PCNX1: variants seen among roughly 807,000 people sequenced by gnomAD.
The protein encoded by PCNX1 is pecanex 1, also known as pecanex-like protein 1.
PCNX1 carries 78 observed loss-of-function variants against 242.2 expected under a neutral mutation model. The observed-to-expected ratio is 0.32, with a 90% confidence interval of 0.27 to 0.39. The LOEUF (loss-of-function observed/expected upper bound fraction) is 0.39, where lower values mean the gene tolerates loss of function less well. Among genes scored for constraint, PCNX1 ranks in the 10% least tolerant of loss-of-function variants. The pLI is 1.00. For missense variants in PCNX1, 2,581 were observed against 2,856.5 expected (o/e 0.90, Z 2.20); for synonymous variants, 1,024 against 1,032.9 (o/e 0.99, Z 0.17).
At chr14:70,941,761 A>C (rs1211266358) in intron 1 of PCNX1, among the ~76,000 whole-genome samples, 5 of 152,172 alleles carry the variant, frequency 3.3e-5, no homozygotes, top group Non-Finnish European at 5.9e-5. Context: ...GGCCTCCTTG[A>C]GCTGCGGTGA....
At chr14:71,044,318 A>G (rs2060797112) in intron 19 of PCNX1, 1 of 152,698 alleles carries the variant, frequency 6.5e-6, no homozygotes, top group South Asian at 2.1e-4. Flanking sequence ...CAGTCGGCAT[A>G]CTTGGCTATT....
intron 18 of PCNX1, 38 bp from the exon 19 acceptor site, chr14:71,036,027 T>C: frequency 7.4e-7 from 1 of 1,355,568 alleles, no homozygotes; most frequent in Non-Finnish European, 1.0e-6. Context: ...TTTAAAAATT[T>C]TATGTAATTG....
rs919901718 is a variant in PCNX1 at position 70,994,417 on chromosome 14, ATATATATATATATG to A, written c.2445-1320_2445-1307del. 1.7e-3 allele frequency among the ~76,000 whole-genome samples: 220 copies of A among 125,976 alleles called. 3 individuals are homozygous for A. Among genetic ancestry groups the A allele is most frequent in the African/African-American group, 5.5e-3 (182 of 33,202 alleles). 82.6% of individuals were successfully genotyped at this position (125,976 alleles called of 152,430 possible). A position where few individuals can be genotyped will look rare whatever the true frequency, so the allele number is the denominator to read the frequency against. On this transcript the variant is annotated intron_variant, in intron 7 of 35. Transcript: ENST00000304743. ...TTAAGATATATATATATATATATAT[ATATATATATATATG>A]TATGTATGTATGTTTCAACATAGCC...
intron 12 of PCNX1, among the ~76,000 whole-genome samples, chr14:71,022,627 A>G (rs1203584254): frequency 1.3e-5 from 2 of 152,188 alleles, no homozygotes; most frequent in Non-Finnish European, 2.9e-5. Context: ...GTAGCTGCAT[A>G]ATACCTTCTG....
rs768351998 is a variant in PCNX1 at position 71,047,448 on chromosome 14, A to G, written c.4160+343A>G. Reference sequence around the variant, plus strand: ...TAGTCATCCGATGAGCCTGCCCAATAGAGTAGGTACCTATTGTTGAGTCAA... The same window carrying G: ...TAGTCATCCGATGAGCCTGCCCAATGGAGTAGGTACCTATTGTTGAGTCAA... On this transcript the variant is annotated intron_variant, in intron 21 of 35. Coordinates refer to ENST00000304743, the MANE Select transcript of PCNX1 (RefSeq NM_014982.3). Among the ~76,000 whole-genome samples the G allele has an allele frequency of 3.8e-4, 58 of 152,134 alleles. 1 individual carries two copies. The highest frequency in any genetic ancestry group is 1.2e-4 in the Non-Finnish European group (8 of 67,978).
At chr14:71,053,620 A>G (rs797004757) in intron 24 of PCNX1, among the ~76,000 whole-genome samples, 5 of 152,170 alleles carry the variant, frequency 3.3e-5, no homozygotes, top group African/African-American at 1.2e-4. Flanking sequence ...GCCCGGCCTT[A>G]TGGTCTTAAA....
chr14:71,024,514 T>C (rs1177633801), intron 13 of PCNX1, among the ~76,000 whole-genome samples: 1 of 152,180 alleles, frequency 6.6e-6, no homozygotes, highest in Admixed American at 6.5e-5. Context: ...AAAAATTTTT[T>C]TTTTTATTTT....
intron 6 of PCNX1, among the ~76,000 whole-genome samples, chr14:70,981,799 C>T (rs796261763): frequency 1.4e-4 from 22 of 152,132 alleles, no homozygotes; most frequent in African/African-American, 4.6e-4. Context: ...TCTTTTGGAC[C>T]GTTTAAACTT....
rs531398309 is a variant in PCNX1, at chr14:71,075,740, T to G, written c.5107-449T>G. Among the ~76,000 whole-genome samples the G allele has an allele frequency of 2.0e-5, 3 of 151,988 alleles. No individual in the cohort carries two copies. The East Asian group carries it at 5.8e-4, about 29-fold the overall frequency. On this transcript the variant is annotated intron_variant, in intron 27 of 35. Coordinates refer to ENST00000304743, the MANE Select transcript of PCNX1 (RefSeq NM_014982.3). ...GGTGAAAACCCATCTCTACTAAAAA[T>G]ACAAAAATTTATCTGGGTGTGGTGG...
intron 11 of PCNX1, among the ~76,000 whole-genome samples, chr14:71,015,859 A>T (rs2059949616): frequency 6.6e-6 from 1 of 152,076 alleles, no homozygotes; most frequent in Non-Finnish European, 1.5e-5. Flanking sequence ...AAAAAAGAAC[A>T]ACACTCAACT....
At chr14:70,930,691 A>G (rs2140155482) in intron 1 of PCNX1, among the ~76,000 whole-genome samples, 2 of 152,306 alleles carry the variant, frequency 1.3e-5, no homozygotes, top group South Asian at 2.1e-4. Flanking sequence ...CTTTGGGGAA[A>G]ATGCACTGTG....
intron 7 of PCNX1, among the ~76,000 whole-genome samples, chr14:70,994,396 G>GATATATATATAT (rs35068772): frequency 0.012 from 1,198 of 96,610 alleles, 59 homozygotes; most frequent in South Asian, 0.019. Context: ...ACAGGCTTAA[G>GATATATATATAT]ATATATATAT....
At chr14:70,992,565 G>T (rs1030155464) in intron 7 of PCNX1, among the ~76,000 whole-genome samples, 1 of 151,248 alleles carries the variant, frequency 6.6e-6, no homozygotes, top group Non-Finnish European at 1.5e-5. Context: ...CAGTATAACA[G>T]AATGTGTCAA....
chr14:70,941,539 G>A (rs1019340360), intron 1 of PCNX1, among the ~76,000 whole-genome samples: 8 of 152,206 alleles, frequency 5.3e-5, no homozygotes, highest in South Asian at 2.1e-4. Context: ...CAGTCGACCC[G>A]TACTGGGAGG....
chr14:71,105,279 T>C lies in PCNX1; in HGVS notation c.6140T>C (p.Ile2047Thr), dbSNP rs1421339139. Residue 2047 changes from isoleucine to threonine, a missense_variant, in exon 33 of 36, where the codon ATT becomes ACT. Ile to Thr is a moderately conservative substitution (Grantham distance 89). This residue lies in a region of PCNX1 where 432 missense variants were observed against 433.6 expected (regional missense o/e 1.00). Coordinates refer to ENST00000304743, the MANE Select transcript of PCNX1 (RefSeq NM_014982.3). ...GCTGGATGTAACAGTGGTGGCAATA[T>C]TGAAGATTCTGATACTGGAGGTGGG... ...CGAGCNSGGN[I>T]EDSDTGGGTS... is the part of the protein sequence containing the mutation. The C allele has an allele frequency of 2.5e-6, 4 of 1,613,978 alleles. No individual in the cohort carries two copies. The highest frequency in any genetic ancestry group is 3.4e-6 in the Non-Finnish European group (4 of 1,179,968).
In PCNX1 at chr14:71,103,674, G is replaced by T. The variant is rs369931505; in HGVS notation, c.6095+5G>T. On this transcript the variant is annotated splice_donor_5th_base_variant and intron_variant, in intron 32 of 35. Coordinates refer to ENST00000304743, the MANE Select transcript of PCNX1 (RefSeq NM_014982.3). ...CATAGTGTCAACCTGGCACAGGTGA[G>T]CCAAGGGATTGTATTATTCAGTGCT... 1 of 1,613,526 alleles carries T rather than the reference G, an allele frequency of 6.2e-7. No homozygotes were observed. The highest frequency in any genetic ancestry group is 2.2e-5 in the East Asian group (1 of 44,876).
chr14:70,995,384 T>C (rs753590836), intron 7 of PCNX1, among the ~76,000 whole-genome samples: 40 of 152,370 alleles, frequency 2.6e-4, no homozygotes, highest in Non-Finnish European at 5.0e-4. Context: ...ATAGGGCTTA[T>C]CTGTTGGGGC....
intron 16 of PCNX1, among the ~76,000 whole-genome samples, chr14:71,029,846 A>G (rs1229897910): frequency 6.6e-6 from 1 of 152,208 alleles, no homozygotes; most frequent in Non-Finnish European, 1.5e-5. Context: ...AAGGTAAGCA[A>G]AGGCTGGATC....
intron 11 of PCNX1, among the ~76,000 whole-genome samples, chr14:71,017,765 C>A (rs2140692443): frequency 6.6e-6 from 1 of 152,258 alleles, no homozygotes; most frequent in Middle Eastern, 3.4e-3. Context: ...TTTAGCAAAT[C>A]TGAAATTGCA....
Sources: allele counts gnomAD v4.1 joint callset (sites outside exome capture counted in the v4.1 genomes callset), GRCh38; gene constraint gnomAD v4.1.1; regional missense constraint gnomAD v4.1.1; transcripts MANE v1.5; gene names NCBI Gene and HGNC (gene_info 2026-07-23, HGNC 2026-07-21).